Variants in ZNF862 observed in about 807,000 individuals in gnomAD.
The protein encoded by ZNF862 is zinc finger protein 862.
ZNF862 carries 64 observed loss-of-function variants against 91.1 expected under a neutral mutation model. That is an observed-to-expected ratio of 0.70 (90% CI 0.57 to 0.87). The LOEUF is 0.87. Ranked by LOEUF, ZNF862 falls within the 40% of genes least tolerant of loss-of-function variation. The pLI, the probability that ZNF862 is intolerant of heterozygous loss-of-function variation, is 0.00. For synonymous variants in ZNF862, 631 were observed against 618.1 expected, an observed-to-expected ratio of 1.02 and a Z score of -0.31; for missense variants, 1,459 against 1,528.0, an observed-to-expected ratio of 0.95 and a Z score of 0.75.
Position 149,860,723 on chromosome 7 carries a change from C to G in ZNF862, c.1563C>G (p.Val521=), listed in dbSNP as rs1802440926. The G allele has an allele frequency of 2.5e-6, 4 of 1,613,914 alleles. No homozygotes were observed. The highest frequency in any genetic ancestry group is 3.4e-6 in the Non-Finnish European group (4 of 1,179,904). ...FKVETLKYHE[V]SKAHRLCVNT... is the part of the protein sequence containing the mutation. ...TGGAGACTTTAAAATACCATGAAGT[C>G]AGCAAAGCGCACAGGCTCTGTGTCA... The change falls in exon 7 of 8, where the codon GTC becomes GTG. Residue 521 remains valine, a synonymous_variant. Transcript: ENST00000223210.
rs759284191 is a variant in ZNF862, at chr7:149,861,059, C to A, written c.1899C>A (p.Asp633Glu). 3.1e-6 allele frequency: 5 copies of A among 1,612,578 alleles called. No individual in the cohort carries two copies. The African/African-American group carries it at 4.0e-5, about 13-fold the overall frequency. The change falls in exon 7 of 8, where the codon GAC becomes GAA. Residue 633 changes from aspartate (D) to glutamate (E), a missense_variant. Coordinates refer to ENST00000223210, the MANE Select transcript of ZNF862 (RefSeq NM_001099220.3). The surrounding 1 kb of genome is among the most constrained non-coding windows in gnomAD (Gnocchi z 6.7). ...CVSVLLDSST[D>E]ASEQACVGIY... ...GCGTGCTGCTGGACAGCTCCACCGA[C>A]GCCTCCGAGCAGGCCTGCGTGGGGA...
Position 149,848,073 on chromosome 7 carries a change from G to A in ZNF862, c.580G>A (p.Ala194Thr), listed in dbSNP as rs1250874190. The change falls in exon 4 of 8, where the codon GCG (alanine) becomes ACG (threonine). Residue 194 changes from alanine (A) to threonine (T), a missense_variant. By Grantham distance (58) the Ala-to-Thr change is moderately conservative. Coordinates refer to ENST00000223210, the MANE Select transcript of ZNF862 (RefSeq NM_001099220.3). ...CAAGGTGGAGACTCTCAAATACCAC[G>A]CGAAGAGCAAGGCCCACATGTTCTG... The part of the protein sequence containing the change: ...PFKVETLKYH[A>T]KSKAHMFCVN... The A allele has an allele frequency of 3.1e-6, 5 of 1,613,916 alleles. No individual in the cohort carries two copies. The highest frequency in any genetic ancestry group is 1.7e-5 in the Admixed American group (1 of 59,994).
intron 5 of ZNF862, among the ~76,000 whole-genome samples, chr7:149,857,820 CTGTTTGG>C (rs1802314153): frequency 6.6e-6 from 1 of 152,118 alleles, no homozygotes; most frequent in Non-Finnish European, 1.5e-5. Context: ...TTCCCGTCTC[CTGTTTGG>C]AGGGTATGAT....
chr7:149,841,383 G>A, intron 1 of ZNF862: 2 of 985,406 alleles, frequency 2.0e-6, no homozygotes, highest in Non-Finnish European at 2.4e-6. Context: ...TAATGGATAA[G>A]GGTCAGACTT....
At position 149,848,302 on chromosome 7, in the gene ZNF862, G is replaced by A. The variant is rs771142671; in HGVS notation, c.809G>A (p.Gly270Glu). The change falls in exon 4 of 8, where the codon GGG becomes GAG. Residue 270 changes from glycine to glutamate, a missense_variant. Physicochemically the swap from Gly to Glu is moderately conservative, Grantham distance 98. Coordinates refer to ENST00000223210, the MANE Select transcript of ZNF862 (RefSeq NM_001099220.3). ...SSRAELEDPG[G>E]DGAIPAMYLD... ...AGAGCTGAACTAGAGGACCCTGGGG[G>A]GGATGGAGCAATTCCTGCAATGTAT... The A allele has an allele frequency of 1.3e-5, 21 of 1,608,330 alleles. No individual in the cohort carries two copies. The highest frequency in any genetic ancestry group is 3.4e-5 in the Admixed American group (2 of 59,202).
At position 149,844,634 on chromosome 7, in the gene ZNF862, A is replaced by C; in HGVS notation, c.34A>C (p.Thr12Pro). The C allele has an allele frequency of 6.3e-7, 1 of 1,598,398 alleles. No homozygotes were observed. The highest frequency in any genetic ancestry group is 8.5e-7 in the Non-Finnish European group (1 of 1,171,862). The change falls in exon 2 of 8, where the codon ACG becomes CCG. Residue 12 changes from threonine to proline, a missense_variant. Transcript: ENST00000223210. ...EPRESGKAPV[T>P]FDDITVYLLQ... ...GTCATTTTCCTTTCAGGCTCCTGTG[A>C]CGTTTGATGACATCACTGTGTACTT...
Position 149,862,448 on chromosome 7 carries a change from C to T in ZNF862, c.3288C>T (p.Phe1096=). Reference sequence around the variant, plus strand: ...ACCTGACCTCCTCAGGCCGGCGTTTCAGCCATGTCTACACCTGTGCCCAGG... The same window carrying T: ...ACCTGACCTCCTCAGGCCGGCGTTTTAGCCATGTCTACACCTGTGCCCAGG... ...HWYLTSSGRR[F]SHVYTCAQVP... Residue 1096 remains phenylalanine, a synonymous_variant, in exon 7 of 8, where the codon TTC becomes TTT. Coordinates refer to ENST00000223210, the MANE Select transcript of ZNF862 (RefSeq NM_001099220.3). The T allele has an allele frequency of 6.2e-7, 1 of 1,611,730 alleles. No homozygotes were observed. Among genetic ancestry groups the T allele is most frequent in the Non-Finnish European group, 8.5e-7 (1 of 1,179,634 alleles).
chr7:149,843,198 CG>C (rs1400761028), intron 1 of ZNF862, among the ~76,000 whole-genome samples: 2 of 152,016 alleles, frequency 1.3e-5, no homozygotes, highest in African/African-American at 4.8e-5. Context: ...TAATAGTGAC[CG>C]GTAAGAATGA....
In ZNF862 at chr7:149,850,139, T is replaced by C. The variant is rs1586050845; in HGVS notation, c.940-22T>C. 1 of 1,551,634 alleles carries C rather than the reference T, an allele frequency of 6.4e-7. No individual in the cohort carries two copies. The highest frequency in any genetic ancestry group is 8.7e-7 in the Non-Finnish European group (1 of 1,148,084). On this transcript the variant is annotated intron_variant, in intron 4 of 7. Coordinates refer to ENST00000223210, the MANE Select transcript of ZNF862 (RefSeq NM_001099220.3). This position sits in a 1 kb window ranked among gnomAD's most constrained non-coding sequence, Gnocchi z 4.2. ...GTCTGGCTCGGCAGGCGGTGCTGAGTGGCCGCTGCTCTTTGTTCCAGGACC... is the reference window on the plus strand; with the variant it reads ...GTCTGGCTCGGCAGGCGGTGCTGAGCGGCCGCTGCTCTTTGTTCCAGGACC...
At chr7:149,862,743 C>A (rs1802563572) in intron 7 of ZNF862, among the ~76,000 whole-genome samples, 1 of 152,216 alleles carries the variant, frequency 6.6e-6, no homozygotes, top group East Asian at 1.9e-4. Flanking sequence ...GCCCTGGTGA[C>A]AGTGCTGTGC....
At chr7:149,848,569 C>G (rs1207606877) in intron 4 of ZNF862, 137 bp downstream of exon 4, 1 of 682,438 alleles carries the variant, frequency 1.5e-6, no homozygotes, top group Non-Finnish European at 2.3e-6. Context: ...CATATACCAA[C>G]ATGCTTATCA....
At chr7:149,843,631 TA>T (rs1801777245) in intron 1 of ZNF862, among the ~76,000 whole-genome samples, 1 of 152,206 alleles carries the variant, frequency 6.6e-6, no homozygotes, top group East Asian at 1.9e-4. Context: ...GAGTGTCTGG[TA>T]GTCCAGTCTG....
At chr7:149,847,363 C>G (rs1175029727) in intron 3 of ZNF862, among the ~76,000 whole-genome samples, 2 of 152,094 alleles carry the variant, frequency 1.3e-5, no homozygotes, top group East Asian at 1.9e-4. Context: ...TTTTTAAATC[C>G]TATATTCTAT....
Position 149,860,849 on chromosome 7 carries a change from C to T in ZNF862, c.1689C>T (p.Tyr563=). The change falls in exon 7 of 8, where the codon TAC becomes TAT. Residue 563 remains tyrosine (Y), a synonymous_variant. Coordinates refer to ENST00000223210, the MANE Select transcript of ZNF862 (RefSeq NM_001099220.3). The part of the protein sequence containing the change: ...ANMEHFFNAA[Y]SIAYHSRPLN... ...TGGAGCACTTTTTCAATGCCGCCTA[C>T]TCCATTGCATACCACTCAAGGCCCC... 1 of 1,613,716 alleles carries T rather than the reference C, an allele frequency of 6.2e-7. No individual in the cohort carries two copies. The highest frequency in any genetic ancestry group is 1.1e-5 in the South Asian group (1 of 91,092).
In ZNF862 at chr7:149,864,159, A is replaced by G. The variant is rs1563129227; in HGVS notation, c.3385A>G (p.Arg1129Gly). The change falls in exon 8 of 8, where the codon AGG becomes GGG. Residue 1129 changes from arginine (R) to glycine (G), a missense_variant. Arg to Gly is a moderately radical substitution (Grantham distance 125). Transcript: ENST00000223210. ...EMGALYVEEP[R>G]TQKPPILPSR... is the part of the protein sequence containing the mutation. ...GGGAGCCCTCTATGTGGAGGAGCCC[A>G]GGACCCAGAAGCCACCCATCCTGCC... The G allele has an allele frequency of 1.6e-5, 25 of 1,594,834 alleles. No individual in the cohort carries two copies. The highest frequency in any genetic ancestry group is 2.0e-5 in the Non-Finnish European group (24 of 1,171,004).
rs199962447 is a variant in ZNF862 at position 149,859,517 on chromosome 7, C to G, written c.1213C>G (p.Arg405Gly). 1.9e-6 allele frequency: 3 copies of G among 1,573,088 alleles called. No individual in the cohort carries two copies. Among genetic ancestry groups the G allele is most frequent in the Non-Finnish European group, 2.6e-6 (3 of 1,158,416 alleles). ...DPNGPKWGKG[R>G]PPGNKKMVAV... The stretch of plus-strand genomic sequence containing the variant: ...AAATGGGCCAAAGTGGGGGAAAGGT[C>G]GTCCTCCAGGTGAGTGTAAACCTAC... Residue 405 changes from arginine (R) to glycine (G), a missense_variant, in exon 6 of 8, where the codon CGT becomes GGT. Transcript: ENST00000223210.
At position 149,855,896 on chromosome 7, in the gene ZNF862, C is replaced by G. The variant is rs1802244617; in HGVS notation, c.1118-3526C>G. On this transcript the variant is annotated intron_variant, in intron 5 of 7. Coordinates refer to ENST00000223210, the MANE Select transcript of ZNF862 (RefSeq NM_001099220.3). This position sits in a 1 kb window ranked among gnomAD's most constrained non-coding sequence, Gnocchi z 4.1. ...CACCCCATGGCTACCTTAGTCTTAT[C>G]CAAGGCTGGACTCGTGGCCATTCAC... 1 of 152,300 alleles carries G rather than the reference C, an allele frequency of 6.6e-6. No homozygotes were observed. Among genetic ancestry groups the G allele is most frequent in the African/African-American group, 2.4e-5 (1 of 41,448 alleles). 9.4% of individuals were successfully genotyped at this position (152,300 alleles called of 1,614,324 possible).
chr7:149,862,085 T>C lies in ZNF862; in HGVS notation c.2925T>C (p.Tyr975=). Residue 975 remains tyrosine, a synonymous_variant, in exon 7 of 8, where the codon TAT becomes TAC. Transcript: ENST00000223210. ...ATGACATTCTCAACCTGGCCAGGTA[T>C]TTCGAGTGCTCCCTCCCAACAGGAT... The part of the protein sequence containing the change: ...GNDDILNLAR[Y]FECSLPTGYS... The C allele has an allele frequency of 6.2e-7, 1 of 1,613,646 alleles. No homozygotes were observed. The highest frequency in any genetic ancestry group is 8.5e-7 in the Non-Finnish European group (1 of 1,179,882).
chr7:149,841,655 C>T (rs774886046), intron 1 of ZNF862: 1 of 985,288 alleles, frequency 1.0e-6, no homozygotes, highest in Non-Finnish European at 1.2e-6. Context: ...CATGTGCCTC[C>T]TAGGAGACTG....
Sources: gnomAD v4.1 joint callset for allele counts (sites outside exome capture counted in the v4.1 genomes callset) on GRCh38, gnomAD v4.1.1 for gene constraint, Gnocchi (gnomAD v3.1) non-coding constraint, MANE v1.5 for transcripts, NCBI Gene and HGNC (gene_info 2026-07-23, HGNC 2026-07-21) for gene names.